The following RASAL3 variants were observed in gnomAD, a reference collection of about 807,000 sequenced individuals.
RASAL3 encodes RAS protein activator like-3.
A neutral mutation model predicts 105.5 loss-of-function variants in RASAL3; 74 were observed. The observed-to-expected ratio is 0.70, with a 90% CI of 0.58 to 0.85. The LOEUF (loss-of-function observed/expected upper bound fraction) is 0.85, where lower values mean the gene tolerates loss of function less well. Ranked by LOEUF, RASAL3 falls within the 40% of genes least tolerant of loss-of-function variation. The pLI is 0.00. For synonymous variants in RASAL3, 579 were observed against 591.6 expected, an observed-to-expected ratio of 0.98 and a Z score of 0.31; for missense variants, 1,352 against 1,392.0, an observed-to-expected ratio of 0.97 and a Z score of 0.46.
intron 15 of RASAL3, 90 bp from the exon 16 acceptor site, chr19:15,452,905 G>T: frequency 6.8e-7 from 1 of 1,464,336 alleles, no homozygotes; most frequent in South Asian, 1.3e-5. Flanking sequence ...AGCGCTCAGC[G>T]TCATCACCGG....
chr19:15,453,583 C>T lies in RASAL3; in HGVS notation c.2280-86G>A. The stretch of plus-strand genomic sequence containing the variant: ...CCTGACCAGAAGTGACCTCACCCCC[C>T]ACGTGAACTTGTCCTTTCTTTTTTT... On this transcript the variant is annotated intron_variant, in intron 14 of 17. Coordinates refer to ENST00000343625, the MANE Select transcript of RASAL3 (RefSeq NM_022904.3). The surrounding 1 kb of genome is among the most constrained non-coding windows in gnomAD (Gnocchi z 4.2). 4 of 1,325,086 alleles carry T rather than the reference C, an allele frequency of 3.0e-6. No homozygotes were observed. Among genetic ancestry groups the T allele is most frequent in the Non-Finnish European group, 4.0e-6 (4 of 1,012,314 alleles). The allele number at this position is 1,325,086 out of a possible 1,614,324, so 82.1% of individuals were successfully genotyped here. A position where few individuals can be genotyped will look rare whatever the true frequency, so the allele number is the denominator to read the frequency against.
chr19:15,451,998 C>T (rs1230179999), intron 17 of RASAL3, 47 bp downstream of exon 17: 2 of 1,613,862 alleles, frequency 1.2e-6, no homozygotes, highest in South Asian at 1.1e-5. Context: ...GCAACCCTTG[C>T]TCCTCCACCG....
chr19:15,456,536 C>T lies in RASAL3; in HGVS notation c.1542G>A (p.Lys514=), dbSNP rs1970325035. ...CCTGGAGGTAATCCTGTGCCACGAG[C>T]TTCATGTACTCATCGATAGCCTTGG... ...LATKAIDEYM[K]LVAQDYLQET... The change falls in exon 10 of 18, where the codon AAG becomes AAA. Residue 514 remains lysine (K), a synonymous_variant. Transcript: ENST00000343625. This position sits in a 1 kb window ranked among gnomAD's most constrained non-coding sequence, Gnocchi z 4.4. 6.2e-7 allele frequency: 1 copy of T among 1,613,848 alleles called. No homozygotes were observed. Among genetic ancestry groups the T allele is most frequent in the Non-Finnish European group, 8.5e-7 (1 of 1,179,832 alleles).
rs376406832 is a variant in RASAL3 at position 15,452,134 on chromosome 19, A to G, written c.2829-26T>C. ...CTGTGGGGGTCGGGGGATTGGGGCG[A>G]AGGGCAGAGGCTAAGGAAGTCCCTT... On this transcript the variant is annotated intron_variant, in intron 16 of 17. Transcript: ENST00000343625. 2.9e-5 allele frequency: 47 copies of G among 1,612,828 alleles called. 1 individual carries two copies. In the African/African-American group the frequency reaches 5.9e-4, roughly 20 times the overall value.
rs750324054 is a variant in RASAL3, at chr19:15,453,316, G to T, written c.2461C>A (p.Pro821Thr). The T allele has an allele frequency of 4.0e-6, 6 of 1,481,868 alleles. No homozygotes were observed. In the South Asian group the frequency reaches 6.7e-5, roughly 17 times the overall value. 91.8% of individuals were successfully genotyped at this position (1,481,868 alleles called of 1,614,324 possible). A position where few individuals can be genotyped will look rare whatever the true frequency, so the allele number is the denominator to read the frequency against. ...CGGCGGCGGGCAGGACGCCGGACCG[G>T]GACACTCTGCGTGCGCTGCACCGGC... is the stretch of plus-strand genomic sequence containing the variant. ...PRPVQRTQSVPVRRPARRRQS... is the reference protein window; with the variant it reads ...PRPVQRTQSVTVRRPARRRQS... The change falls in exon 15 of 18, where the codon CCG (proline) becomes ACG (threonine). Residue 821 changes from proline (P) to threonine (T), a missense_variant. This residue lies in a region of RASAL3 where 920 missense variants were observed against 919.6 expected (regional missense o/e 1.00). Transcript: ENST00000343625. The surrounding 1 kb of genome is among the most constrained non-coding windows in gnomAD (Gnocchi z 4.2).
chr19:15,463,950 G>C (rs1373371593), intron 2 of RASAL3, 81 bp downstream of exon 2: 1 of 1,304,128 alleles, frequency 7.7e-7, no homozygotes, highest in East Asian at 2.5e-5. Flanking sequence ...GTGTCTGTAT[G>C]GTTGATGCTC....
chr19:15,462,141 C>G (rs1970530560), intron 2 of RASAL3, among the ~76,000 whole-genome samples: 1 of 151,822 alleles, frequency 6.6e-6, no homozygotes, highest in African/African-American at 2.4e-5. Flanking sequence ...TTGCTTGAGA[C>G]CAGGAGTTTG....
rs778258983 is a variant in RASAL3, at chr19:15,464,302, C to T, written c.57G>A (p.Pro19=). 8.5e-7 allele frequency: 1 copy of T among 1,176,166 alleles called. No homozygotes were observed. The highest frequency in any genetic ancestry group is 1.1e-6 in the Non-Finnish European group (1 of 931,842). 72.9% of individuals were successfully genotyped at this position (1,176,166 alleles called of 1,614,324 possible). Residue 19 remains proline (P), a synonymous_variant, in exon 2 of 18, where the codon CCG becomes CCA. Coordinates refer to ENST00000343625, the MANE Select transcript of RASAL3 (RefSeq NM_022904.3). ...CTGTGTGCCAGCGGTAGGAAGTCAG[C>T]GGAGAGGTGGCTGTGGGCTGGGTTT... ...TSQTQPTATS[P]LTSYRWHTGG...
Position 15,452,720 on chromosome 19 carries a change from C to T in RASAL3, c.2766G>A (p.Leu922=), listed in dbSNP as rs1209918727. The part of the protein sequence containing the change: ...VESLSTQIRA[L]TEQQEQLRGQ... The stretch of plus-strand genomic sequence containing the variant: ...CCCGCAGCTGCTCCTGCTGCTCCGT[C>T]AAGGCCCGGATTTGGGTGCTCAGCG... Residue 922 remains leucine, a synonymous_variant, in exon 16 of 18, where the codon TTG becomes TTA. Transcript: ENST00000343625. The T allele has an allele frequency of 1.3e-6, 2 of 1,555,528 alleles. No individual in the cohort carries two copies. Among genetic ancestry groups the T allele is most frequent in the Non-Finnish European group, 8.7e-7 (1 of 1,149,346 alleles).
rs780553165 is a variant in RASAL3 at position 15,456,568 on chromosome 19, A to G, written c.1510T>C (p.Leu504=). 17 of 1,613,720 alleles carry G rather than the reference A, an allele frequency of 1.1e-5. No individual in the cohort carries two copies. Among genetic ancestry groups the G allele is most frequent in the Middle Eastern group, 1.6e-4 (1 of 6,084 alleles). ...TACTCATCGATAGCCTTGGTGGCCAATGTGTTTTCCCGGAACAGCAGCGCC... is the reference window on the plus strand; with the variant it reads ...TACTCATCGATAGCCTTGGTGGCCAGTGTGTTTTCCCGGAACAGCAGCGCC... ...REALLFRENT[L]ATKAIDEYMK... The change falls in exon 10 of 18, where the codon TTG becomes CTG. Residue 504 remains leucine (L), a synonymous_variant. Coordinates refer to ENST00000343625, the MANE Select transcript of RASAL3 (RefSeq NM_022904.3). This position sits in a 1 kb window ranked among gnomAD's most constrained non-coding sequence, Gnocchi z 4.4.
rs1391235483 is a variant in RASAL3 at position 15,453,339 on chromosome 19, G to C, written c.2438C>G (p.Pro813Arg). 3 of 1,426,018 alleles carry C rather than the reference G, an allele frequency of 2.1e-6. No individual in the cohort carries two copies. The highest frequency in any genetic ancestry group is 2.7e-6 in the Non-Finnish European group (3 of 1,097,216). 88.3% of individuals were successfully genotyped at this position (1,426,018 alleles called of 1,614,324 possible). A position where few individuals can be genotyped will look rare whatever the true frequency, so the allele number is the denominator to read the frequency against. Residue 813 changes from proline (P) to arginine (R), a missense_variant, in exon 15 of 18, where the codon CCG becomes CGG. Pro to Arg is a moderately radical substitution (Grantham distance 103). Transcript: ENST00000343625. This position sits in a 1 kb window ranked among gnomAD's most constrained non-coding sequence, Gnocchi z 4.2. ...DEERPLRRPRPVQRTQSVPVR... is the reference protein window; with the variant it reads ...DEERPLRRPRRVQRTQSVPVR... ...CGGGACACTCTGCGTGCGCTGCACCGGCCGGGGCCGCCGCAGGGGCCGCTC... is the reference window on the plus strand; with the variant it reads ...CGGGACACTCTGCGTGCGCTGCACCCGCCGGGGCCGCCGCAGGGGCCGCTC...
At position 15,457,314 on chromosome 19, in the gene RASAL3, A is replaced by T; in HGVS notation, c.1409T>A (p.Leu470Gln). Residue 470 changes from leucine (L) to glutamine (Q), a missense_variant, in exon 9 of 18, where the codon CTG becomes CAG. By Grantham distance (113) the Leu-to-Gln change is moderately radical. Coordinates refer to ENST00000343625, the MANE Select transcript of RASAL3 (RefSeq NM_022904.3). The surrounding 1 kb of genome is among the most constrained non-coding windows in gnomAD (Gnocchi z 8.6). Reference protein sequence around the residue: ...EELAAAMVRVLRATGRAQALV... With the variant: ...EELAAAMVRVQRATGRAQALV... ...CACCTGCGCCCGGCCGGTGGCCCGCAGCACGCGCACCATGGCTGCCGCCAG... is the reference window on the plus strand; with the variant it reads ...CACCTGCGCCCGGCCGGTGGCCCGCTGCACGCGCACCATGGCTGCCGCCAG... 1 of 1,320,918 alleles carries T rather than the reference A, an allele frequency of 7.6e-7. No individual in the cohort carries two copies. The highest frequency in any genetic ancestry group is 9.6e-7 in the Non-Finnish European group (1 of 1,037,444). The allele number at this position is 1,320,918 out of a possible 1,614,324, so 81.8% of individuals were successfully genotyped here.
At position 15,451,801 on chromosome 19, in the gene RASAL3, G is replaced by C; in HGVS notation, c.3030C>G (p.Thr1010=). 1 of 1,595,534 alleles carries C rather than the reference G, an allele frequency of 6.3e-7. No individual in the cohort carries two copies. Among genetic ancestry groups the C allele is most frequent in the Non-Finnish European group, 8.6e-7 (1 of 1,166,590 alleles). Residue 1010 remains threonine, a synonymous_variant, in exon 18 of 18, where the codon ACC becomes ACG. Coordinates refer to ENST00000343625, the MANE Select transcript of RASAL3 (RefSeq NM_022904.3). ...PLKAPCLNGD[T]T is the part of the protein sequence containing the mutation. ...ATGAGGCAGGATGGGCAGCTCAGGTGGTGTCTCCATTGAGGCAGGGTGCTT... is the reference window on the plus strand; with the variant it reads ...ATGAGGCAGGATGGGCAGCTCAGGTCGTGTCTCCATTGAGGCAGGGTGCTT...
rs202210695 is a variant in RASAL3 at position 15,456,138 on chromosome 19, C to T, written c.1687G>A (p.Glu563Lys). ...TGGATAATGGTTTCGAAGACCTCCT[C>T]GCAGCTGTTCCGAAGTCTGGCCTGG... ...EHQARLRNSC[E>K]EVFETIIHSY... is the part of the protein sequence containing the mutation. The change falls in exon 11 of 18, where the codon GAG (glutamate) becomes AAG (lysine). Residue 563 changes from glutamate to lysine, a missense_variant. Glu to Lys is a moderately conservative substitution (Grantham distance 56, BLOSUM62 1). Coordinates refer to ENST00000343625, the MANE Select transcript of RASAL3 (RefSeq NM_022904.3). This position sits in a 1 kb window ranked among gnomAD's most constrained non-coding sequence, Gnocchi z 4.4. 401 of 1,613,856 alleles carry T rather than the reference C, an allele frequency of 2.5e-4. No homozygotes were observed. Among genetic ancestry groups the T allele is most frequent in the Non-Finnish European group, 3.0e-4 (352 of 1,179,824 alleles).
intron 4 of RASAL3, 42 bp from the exon 5 acceptor site, chr19:15,461,163 G>T (rs200008999): frequency 2.5e-4 from 411 of 1,613,004 alleles, no homozygotes; most frequent in Admixed American, 9.5e-4. Context: ...GTTGGATTCT[G>T]CCCCACTTTT....
rs754303924 is a variant in RASAL3 at position 15,456,572 on chromosome 19, G to C, written c.1506C>G (p.Asn502Lys). 2 of 1,613,816 alleles carry C rather than the reference G, an allele frequency of 1.2e-6. No individual in the cohort carries two copies. Among genetic ancestry groups the C allele is most frequent in the Non-Finnish European group, 1.7e-6 (2 of 1,179,818 alleles). Reference protein sequence around the residue: ...GGREALLFRENTLATKAIDEY... With the variant: ...GGREALLFREKTLATKAIDEY... ...CATCGATAGCCTTGGTGGCCAATGT[G>C]TTTTCCCGGAACAGCAGCGCCTCAC... The change falls in exon 10 of 18, where the codon AAC becomes AAG. Residue 502 changes from asparagine to lysine, a missense_variant. Physicochemically the swap from Asn to Lys is moderately conservative, Grantham distance 94 (BLOSUM62 0). Coordinates refer to ENST00000343625, the MANE Select transcript of RASAL3 (RefSeq NM_022904.3). This position sits in a 1 kb window ranked among gnomAD's most constrained non-coding sequence, Gnocchi z 4.4.
In RASAL3 at chr19:15,460,212, G is replaced by A; in HGVS notation, c.653C>T (p.Pro218Leu). 1 of 1,607,814 alleles carries A rather than the reference G, an allele frequency of 6.2e-7. No homozygotes were observed. The highest frequency in any genetic ancestry group is 8.5e-7 in the Non-Finnish European group (1 of 1,177,272). ...LKEKKKARLEPRDGPPSALGS... is the reference protein window; with the variant it reads ...LKEKKKARLELRDGPPSALGS... The stretch of plus-strand genomic sequence containing the variant: ...TCTCATACACCCTTACCCATCCCGG[G>A]GCTCCAACCTGGCCTTTTTCTTCTC... The change falls in exon 6 of 18, where the codon CCC (proline) becomes CTC (leucine). Residue 218 changes from proline to leucine, a missense_variant. Physicochemically the swap from Pro to Leu is moderately conservative, Grantham distance 98. Transcript: ENST00000343625.
Position 15,452,665 on chromosome 19 carries a change from G to A in RASAL3, c.2821C>T (p.Arg941Cys), listed in dbSNP as rs371247954. ...GGAGAGGGCTGGGCTCACCCAGCAC[G>A]GAGCCTGGAGTCCAGATCCTGCAGC... Reference protein sequence around the residue: ...GQLQDLDSRLRAGSSEFDSEH... With the variant: ...GQLQDLDSRLCAGSSEFDSEH... Residue 941 changes from arginine to cysteine, a missense_variant, in exon 16 of 18, where the codon CGT (arginine) becomes TGT (cysteine). Physicochemically the swap from Arg to Cys is radical, Grantham distance 180 (BLOSUM62 -3). This residue lies in a region of RASAL3 where 920 missense variants were observed against 919.6 expected (regional missense o/e 1.00). Coordinates refer to ENST00000343625, the MANE Select transcript of RASAL3 (RefSeq NM_022904.3). 7 of 1,546,630 alleles carry A rather than the reference G, an allele frequency of 4.5e-6. No individual in the cohort carries two copies. Among genetic ancestry groups the A allele is most frequent in the Admixed American group, 2.0e-5 (1 of 50,608 alleles).
chr19:15,462,987 G>C (rs1359329094), intron 2 of RASAL3, among the ~76,000 whole-genome samples: 1 of 151,854 alleles, frequency 6.6e-6, no homozygotes, highest in East Asian at 1.9e-4. Context: ...CCCTAGGCTA[G>C]TGTTACATTC....
Sources: gnomAD v4.1 joint callset for allele counts (sites outside exome capture counted in the v4.1 genomes callset) on GRCh38, gnomAD v4.1.1 for gene constraint, gnomAD v4.1.1 regional missense constraint, Gnocchi (gnomAD v3.1) non-coding constraint, MANE v1.5 for transcripts, NCBI Gene and HGNC (gene_info 2026-07-23, HGNC 2026-07-21) for gene names.